CPLANE1: variants seen among roughly 807,000 people sequenced by gnomAD.
The protein encoded by CPLANE1 is ciliogenesis and planar polarity effector complex subunit 1.
In CPLANE1, 263 loss-of-function variants were observed where a neutral mutation model predicts 362.5. The ratio of observed to expected loss-of-function variants is 0.73; its 90% CI spans 0.66 to 0.80. CPLANE1 has a LOEUF of 0.80. Ranked by LOEUF, CPLANE1 falls within the 30% of genes least tolerant of loss-of-function variation. The pLI is 0.00. For missense variants in CPLANE1, 3,461 were observed against 3,793.4 expected, an observed-to-expected ratio of 0.91 and a Z score of 2.30; for synonymous variants, 1,212 against 1,302.6, an observed-to-expected ratio of 0.93 and a Z score of 1.50.
In CPLANE1 at chr5:37,158,322, G is replaced by A; in HGVS notation, c.7714C>T (p.Gln2572Ter). ...AGATAGACATCTGGGACCAAGAGCT[G>A]AGGAGCAGTCAAAGGCTCATGTTCT... ...DPEHEPLTAP[Q>*]LLVPDVYLNL... The change falls in exon 39 of 53, where the codon CAG (glutamine) becomes TAG (stop). Residue 2572 changes from glutamine to a stop codon, truncating the protein, a stop_gained. Coordinates refer to ENST00000651892, the MANE Select transcript of CPLANE1 (RefSeq NM_001384732.1). LOFTEE classifies it high-confidence loss of function. 1 of 1,613,500 alleles carries A rather than the reference G, an allele frequency of 6.2e-7. No homozygotes were observed. Among genetic ancestry groups the A allele is most frequent in the Non-Finnish European group, 8.5e-7 (1 of 1,179,700 alleles).
chr5:37,231,127 G>T, intron 8 of CPLANE1, 78 bp from the exon 9 acceptor site: 2 of 1,069,568 alleles, frequency 1.9e-6, no homozygotes, highest in Admixed American at 4.0e-5. Flanking sequence ...GCTGTACCAA[G>T]CAGAGGTGTG....
At position 37,244,451 on chromosome 5, in the gene CPLANE1, A is replaced by G. The variant is rs968241708; in HGVS notation, c.494T>C (p.Ile165Thr). The G allele has an allele frequency of 3.2e-6, 5 of 1,551,544 alleles. No homozygotes were observed. In the African/African-American group the frequency reaches 5.5e-5, roughly 17 times the overall value. The change falls in exon 5 of 53, where the codon ATA (isoleucine) becomes ACA (threonine). Residue 165 changes from isoleucine to threonine, a missense_variant. Ile to Thr is a moderately conservative substitution (Grantham distance 89). Coordinates refer to ENST00000651892, the MANE Select transcript of CPLANE1 (RefSeq NM_001384732.1). ...LSLAGRWSQV[I>T]PEEAVLLPST... is the part of the protein sequence containing the mutation. The stretch of plus-strand genomic sequence containing the variant: ...AGGCAAGAGAACTGCTTCTTCAGGT[A>G]TGACCTGGGACCACCGACCCGCCAA...
At position 37,164,320 on chromosome 5, in the gene CPLANE1, T is replaced by C. The variant is rs1208524492; in HGVS notation, c.7541A>G (p.Gln2514Arg). Residue 2514 changes from glutamine to arginine, a missense_variant, in exon 37 of 53, where the codon CAA (glutamine) becomes CGA (arginine). By Grantham distance (43) the Gln-to-Arg change is conservative. Transcript: ENST00000651892. ...SEIIKKPKEQ[Q>R]EHCGSHPLDD... is the part of the protein sequence containing the mutation. ...CAAAGGATGGGAACCACAATGTTCT[T>C]GTTGTTCCTAAATGAATTCCCACAG... 6.2e-7 allele frequency: 1 copy of C among 1,613,012 alleles called. No individual in the cohort carries two copies. The highest frequency in any genetic ancestry group is 1.3e-5 in the African/African-American group (1 of 74,884).
intron 43 of CPLANE1, chr5:37,142,757 T>G (rs1770171677): frequency 5.0e-6 from 1 of 199,810 alleles, no homozygotes; most frequent in Non-Finnish European, 1.0e-5. Flanking sequence ...AAAAAAATTT[T>G]AATATACGAC....
intron 32 of CPLANE1, among the ~76,000 whole-genome samples, chr5:37,172,771 A>T (rs965841735): frequency 2.0e-5 from 3 of 152,200 alleles, no homozygotes; most frequent in Non-Finnish European, 4.4e-5. Flanking sequence ...AGATCACCTG[A>T]GGTCAGGAGT....
chr5:37,133,787 C>T (rs932781445), intron 46 of CPLANE1, among the ~76,000 whole-genome samples: 4 of 152,128 alleles, frequency 2.6e-5, no homozygotes, highest in African/African-American at 9.7e-5. Flanking sequence ...CCTGATTCCT[C>T]TGGCTAGGAC....
chr5:37,142,014 G>T, intron 44 of CPLANE1: 1 of 733,920 alleles, frequency 1.4e-6, no homozygotes, highest in Non-Finnish European at 1.7e-6. Context: ...AATTGGAAGA[G>T]TTTTAATTTT....
chr5:37,181,144 C>T (rs1208238093), intron 26 of CPLANE1, 139 bp from the exon 27 acceptor site: 1 of 793,816 alleles, frequency 1.3e-6, no homozygotes, highest in Non-Finnish European at 1.9e-6. Context: ...ATTTCTACAA[C>T]TCAATATTTG....
intron 9 of CPLANE1, 91 bp from the exon 10 acceptor site, chr5:37,227,908 G>C: frequency 7.8e-7 from 1 of 1,287,670 alleles, no homozygotes; most frequent in Non-Finnish European, 1.0e-6. Flanking sequence ...AAAAGTTACA[G>C]AACAATGAAA....
At chr5:37,169,800 C>G (rs190027799) in intron 33 of CPLANE1, among the ~76,000 whole-genome samples, 1 of 151,970 alleles carries the variant, frequency 6.6e-6, no homozygotes, top group Admixed American at 6.6e-5. Flanking sequence ...GATCTCGGCT[C>G]ACTGCAACCT....
chr5:37,160,631 C>G (rs1380422126), intron 38 of CPLANE1, among the ~76,000 whole-genome samples: 1 of 151,154 alleles, frequency 6.6e-6, no homozygotes, highest in African/African-American at 2.4e-5. Context: ...TTTACATGTG[C>G]TCAACTTCAT....
chr5:37,224,161 T>G (rs2150394349), intron 14 of CPLANE1, 92 bp downstream of exon 14: 1 of 761,688 alleles, frequency 1.3e-6, no homozygotes. Context: ...ATGGCACATA[T>G]TTTTTGGAAT....
chr5:37,197,530 G>A (rs1018270134), intron 20 of CPLANE1, among the ~76,000 whole-genome samples: 24 of 152,186 alleles, frequency 1.6e-4, no homozygotes, highest in Non-Finnish European at 2.6e-4. Context: ...ATGTAGCCCC[G>A]CTGCCACCTT....
In CPLANE1 at chr5:37,169,444, T is replaced by C; in HGVS notation, c.6580A>G (p.Asn2194Asp). The C allele has an allele frequency of 1.9e-6, 3 of 1,614,222 alleles. No individual in the cohort carries two copies. Among genetic ancestry groups the C allele is most frequent in the Non-Finnish European group, 2.5e-6 (3 of 1,180,040 alleles). The change falls in exon 34 of 53, where the codon AAT (asparagine) becomes GAT (aspartate). Residue 2194 changes from asparagine to aspartate, a missense_variant. By Grantham distance (23) the Asn-to-Asp change is conservative. Coordinates refer to ENST00000651892, the MANE Select transcript of CPLANE1 (RefSeq NM_001384732.1). Reference protein sequence around the residue: ...STSFYPAPAGNTHLYLLSTPS... With the variant: ...STSFYPAPAGDTHLYLLSTPS... ...GTGGACAAAAGGTAGAGGTGAGTAT[T>C]TCCAGCAGGAGCTGGATAAAACGAA...
At chr5:37,210,783 C>A in intron 16 of CPLANE1, 1 of 1,267,126 alleles carries the variant, frequency 7.9e-7, no homozygotes, top group Non-Finnish European at 1.2e-6. Flanking sequence ...CCGCCTAGCT[C>A]AGCTGGCTCC....
At chr5:37,208,701 A>G (rs1290005342) in intron 16 of CPLANE1, among the ~76,000 whole-genome samples, 1 of 134,482 alleles carries the variant, frequency 7.4e-6, no homozygotes, top group Non-Finnish European at 1.6e-5. Context: ...AAAAAAAAAG[A>G]GTTCAGCTTA....
chr5:37,075,815 G>A, the CPLANE1 span, among the ~76,000 whole-genome samples: 1 of 152,144 alleles, frequency 6.6e-6, no homozygotes, highest in South Asian at 2.1e-4. Flanking sequence ...ATTTGGCAAG[G>A]CAGATACTTA....
rs1204887886 is a variant in CPLANE1, at chr5:37,247,648, T to G, written c.51A>C (p.Lys17Asn). The change falls in exon 2 of 53, where the codon AAA (lysine) becomes AAC (asparagine). Residue 17 changes from lysine to asparagine, a missense_variant. Physicochemically the swap from Lys to Asn is moderately conservative, Grantham distance 94 (BLOSUM62 0). Coordinates refer to ENST00000651892, the MANE Select transcript of CPLANE1 (RefSeq NM_001384732.1). ...CCAACCAGGAGACACGTGGCCATGG[T>G]TTTTTCTGCTTAATACCTGTTGATG... ...ILTSTGIKQK[K>N]PWPRVSWLGK... is the part of the protein sequence containing the mutation. The G allele has an allele frequency of 6.4e-7, 1 of 1,551,232 alleles. No homozygotes were observed. The highest frequency in any genetic ancestry group is 8.7e-7 in the Non-Finnish European group (1 of 1,146,592).
chr5:37,223,632 T>C (rs1795820716), intron 14 of CPLANE1, among the ~76,000 whole-genome samples: 1 of 152,236 alleles, frequency 6.6e-6, no homozygotes, highest in South Asian at 2.1e-4. Flanking sequence ...CTCTGTATCA[T>C]AAAAGCTATA....
Sources: gnomAD v4.1 joint callset for allele counts (sites outside exome capture counted in the v4.1 genomes callset) on GRCh38, gnomAD v4.1.1 for gene constraint, MANE v1.5 for transcripts, NCBI Gene and HGNC (gene_info 2026-07-23, HGNC 2026-07-21) for gene names.